Variants in COL6A1 observed in about 807,000 individuals in gnomAD.
COL6A1 encodes collagen alpha-1(VI) chain.
COL6A1 carries 80 observed loss-of-function variants against 145.6 expected under a neutral mutation model. The ratio of observed to expected loss-of-function variants is 0.55; its 90% CI spans 0.46 to 0.66. COL6A1 has a LOEUF of 0.66. Ranked by LOEUF, COL6A1 falls within the 30% of genes least tolerant of loss-of-function variation. The probability of loss-of-function intolerance (pLI) is 0.00; values close to 1 mark genes in which losing one functional copy is unlikely to be tolerated. For missense variants in COL6A1, 1,364 were observed against 1,473.8 expected, an observed-to-expected ratio of 0.93 and a Z score of 1.22; for synonymous variants, 638 against 622.8, an observed-to-expected ratio of 1.02 and a Z score of -0.36.
Position 46,004,198 on chromosome 21 carries a change from C to G in COL6A1, c.*185C>G, listed in dbSNP as rs1018349590. 1 of 801,300 alleles carries G rather than the reference C, an allele frequency of 1.2e-6. No individual in the cohort carries two copies. Among genetic ancestry groups the G allele is most frequent in the Non-Finnish European group, 1.9e-6 (1 of 513,722 alleles). 49.6% of individuals were successfully genotyped at this position (801,300 alleles called of 1,614,324 possible). A position where few individuals can be genotyped will look rare whatever the true frequency, so the allele number is the denominator to read the frequency against. ...TGTGCAGGGTCCTCCGGGGCTCAGC[C>G]CTGAGTTGGCATCACCTGCGCAGGG... On this transcript the variant is annotated 3_prime_UTR_variant, in exon 35 of 35. Transcript: ENST00000361866.
At chr21:45,984,878 GGACAGAGACAGGCA>G (rs2077729206) in intron 3 of COL6A1, among the ~76,000 whole-genome samples, 1 of 123,882 alleles carries the variant, frequency 8.1e-6, no homozygotes, top group South Asian at 2.7e-4. Context: ...AGAGACAGAG[GGACAGAGACAGGCA>G]GAGAGAGACA....
intron 1 of COL6A1, 32 bp downstream of exon 1, chr21:45,981,979 C>T (rs532927397): frequency 1.0e-5 from 16 of 1,524,388 alleles, no homozygotes; most frequent in Non-Finnish European, 1.4e-5. Context: ...AGGCTCCAGA[C>T]CCCCCGCTCT....
In COL6A1 at chr21:46,002,517, G is replaced by A; in HGVS notation, c.2251-10G>A. 1 of 1,613,780 alleles carries A rather than the reference G, an allele frequency of 6.2e-7. No individual in the cohort carries two copies. The highest frequency in any genetic ancestry group is 8.5e-7 in the Non-Finnish European group (1 of 1,179,740). On this transcript the variant is annotated splice_polypyrimidine_tract_variant and intron_variant, in intron 32 of 34. Coordinates refer to ENST00000361866, the MANE Select transcript of COL6A1 (RefSeq NM_001848.3). ...AGGCTGCGCCACACCGATACTGTCT[G>A]TCCCCACAGGTGGTCTCCGTGGGCA...
chr21:45,990,213 T>G (rs773625062), intron 11 of COL6A1, 45 bp from the exon 12 acceptor site: 3 of 1,040,078 alleles, frequency 2.9e-6, no homozygotes, highest in Non-Finnish European at 4.4e-6. Context: ...TGCCCTGCCC[T>G]CCCCACCCCA....
chr21:46,002,684 A>C lies in COL6A1; in HGVS notation c.2408A>C (p.Lys803Thr). 6.2e-7 allele frequency: 1 copy of C among 1,613,642 alleles called. No individual in the cohort carries two copies. Among genetic ancestry groups the C allele is most frequent in the Non-Finnish European group, 8.5e-7 (1 of 1,179,894 alleles). ...GAGCTGCTGGAGGATGCCTTCCTGA[A>C]GAATGTCACCGCCCAGATCTGCATA... ...YAELLEDAFL[K>T]NVTAQICIDK... Residue 803 changes from lysine (K) to threonine (T), a missense_variant, in exon 33 of 35, where the codon AAG (lysine) becomes ACG (threonine). By Grantham distance (78) the Lys-to-Thr change is moderately conservative (BLOSUM62 -1). Coordinates refer to ENST00000361866, the MANE Select transcript of COL6A1 (RefSeq NM_001848.3).
At position 45,982,897 on chromosome 21, in the gene COL6A1, C is replaced by G. The variant is rs1160234823; in HGVS notation, c.227+134C>G. 3.1e-6 allele frequency: 4 copies of G among 1,285,914 alleles called. No homozygotes were observed. In the East Asian group the frequency reaches 9.6e-5, roughly 31 times the overall value. The allele number at this position is 1,285,914 out of a possible 1,614,324, so 79.7% of individuals were successfully genotyped here. On this transcript the variant is annotated intron_variant, in intron 2 of 34. Coordinates refer to ENST00000361866, the MANE Select transcript of COL6A1 (RefSeq NM_001848.3). ...GCGAGCGTTGCCCTGACCGGGGCCC[C>G]TCCCGGCGCCCTCCAGAGTGAGGCC... is the stretch of plus-strand genomic sequence containing the variant.
chr21:45,999,127 G>A, intron 25 of COL6A1, 26 bp from the exon 26 acceptor site: 2 of 1,577,634 alleles, frequency 1.3e-6, no homozygotes, highest in Non-Finnish European at 1.7e-6. Context: ...TGCACGGTCT[G>A]TTGACACAAC....
In COL6A1 at chr21:45,981,843, C is replaced by A. The variant is rs886038491; in HGVS notation, c.-8C>A. ...GGCCGCGCTGTGTGGTGACCGCAGG[C>A]CCCAGACATGAGGGCGGCCCGTGCT... On this transcript the variant is annotated 5_prime_UTR_variant, in exon 1 of 35. Transcript: ENST00000361866. 1 of 1,575,112 alleles carries A rather than the reference C, an allele frequency of 6.3e-7. No homozygotes were observed. Among genetic ancestry groups the A allele is most frequent in the Non-Finnish European group, 8.6e-7 (1 of 1,163,008 alleles).
At chr21:46,003,174 C>T (rs200911065) in intron 34 of COL6A1, 25 bp downstream of exon 34, 3 of 1,613,924 alleles carry the variant, frequency 1.9e-6, no homozygotes, top group African/African-American at 2.7e-5. Flanking sequence ...GGCCGGGACA[C>T]GTGGGGAGGA....
chr21:46,002,822 T>A (rs1004812192), intron 33 of COL6A1, 112 bp downstream of exon 33: 7 of 1,313,960 alleles, frequency 5.3e-6, no homozygotes, highest in Non-Finnish European at 7.4e-6. Flanking sequence ...CAGTCCCAGA[T>A]CTGCGTAGGT....
intron 19 of COL6A1, among the ~76,000 whole-genome samples, chr21:45,993,732 G>A (rs1312672110): frequency 6.6e-6 from 1 of 152,196 alleles, no homozygotes; most frequent in Non-Finnish European, 1.5e-5. Flanking sequence ...CAGGGATCGT[G>A]TGACTTAGTG....
At chr21:45,986,249 C>T (rs1017197851) in intron 3 of COL6A1, among the ~76,000 whole-genome samples, 1 of 152,200 alleles carries the variant, frequency 6.6e-6, no homozygotes. Context: ...AGGGGCTTTG[C>T]GCCCCAGGGC....
At chr21:45,992,842 C>T in intron 19 of COL6A1, 32 bp downstream of exon 19, 1 of 1,561,992 alleles carries the variant, frequency 6.4e-7, no homozygotes, top group Non-Finnish European at 8.7e-7. Context: ...TGGGAACCAC[C>T]CCAGGAAGGG....
chr21:45,999,795 G>GT lies in COL6A1; in HGVS notation c.1776+103_1776+104insT, dbSNP rs1160415396. On this transcript the variant is annotated intron_variant, in intron 27 of 34. Coordinates refer to ENST00000361866, the MANE Select transcript of COL6A1 (RefSeq NM_001848.3). ...GTGCTCCTGTAGACGCTGCTCACGG[G>GT]GGGGTGGGTTGTGGACAAAGAGCTG... 1.5e-5 allele frequency: 14 copies of GT among 962,846 alleles called. 2 individuals carry two copies. The highest frequency in any genetic ancestry group is 1.8e-5 in the Non-Finnish European group (12 of 649,732). The allele number at this position is 962,846 out of a possible 1,614,324, so 59.6% of individuals were successfully genotyped here. A position where few individuals can be genotyped will look rare whatever the true frequency, so the allele number is the denominator to read the frequency against.
intron 29 of COL6A1, 73 bp downstream of exon 29, chr21:46,000,840 G>A: frequency 6.3e-7 from 1 of 1,576,816 alleles, no homozygotes; most frequent in Non-Finnish European, 8.7e-7. Flanking sequence ...TCCCACACAT[G>A]TCACAGGACA....
rs746046225 is a variant in COL6A1 at position 46,003,889 on chromosome 21, C to T, written c.2963C>T (p.Thr988Ile). 3.1e-6 allele frequency: 5 copies of T among 1,601,704 alleles called. No individual in the cohort carries two copies. Among genetic ancestry groups the T allele is most frequent in the Admixed American group, 3.4e-5 (2 of 59,666 alleles). The change falls in exon 35 of 35, where the codon ACC (threonine) becomes ATC (isoleucine). Residue 988 changes from threonine (T) to isoleucine (I), a missense_variant. Physicochemically the swap from Thr to Ile is moderately conservative, Grantham distance 89. Coordinates refer to ENST00000361866, the MANE Select transcript of COL6A1 (RefSeq NM_001848.3). ...VNEPHIRVLV[T>I]GKTAEYDVAY... ...GAGCCCCACATCCGCGTCCTGGTCA[C>T]CGGCAAGACGGCCGAGTACGACGTG...
intron 31 of COL6A1, 70 bp downstream of exon 31, chr21:46,002,140 C>T (rs532952286): frequency 6.3e-7 from 1 of 1,577,062 alleles, no homozygotes; most frequent in African/African-American, 1.3e-5. Flanking sequence ...CAGGTCGGCC[C>T]TGACCCCTGA....
Position 46,003,646 on chromosome 21 carries a change from T to C in COL6A1, c.2720T>C (p.Met907Thr). 2 of 1,613,036 alleles carry C rather than the reference T, an allele frequency of 1.2e-6. No homozygotes were observed. Among genetic ancestry groups the C allele is most frequent in the Non-Finnish European group, 1.7e-6 (2 of 1,179,940 alleles). Residue 907 changes from methionine (M) to threonine (T), a missense_variant, in exon 35 of 35, where the codon ATG becomes ACG. Met to Thr is a moderately conservative substitution (Grantham distance 81). Coordinates refer to ENST00000361866, the MANE Select transcript of COL6A1 (RefSeq NM_001848.3). Reference sequence around the variant, plus strand: ...GCCCTGGCCAGTGCCGTCGATGCCATGGACTTTATCAACGACGCCACCGAC... The same window carrying C: ...GCCCTGGCCAGTGCCGTCGATGCCACGGACTTTATCAACGACGCCACCGAC... ...YTALASAVDA[M>T]DFINDATDVN...
rs1412025787 is a variant in COL6A1, at chr21:45,987,525, T to C, written c.759+6T>C. The stretch of plus-strand genomic sequence containing the variant: ...GCTGCTCCTTCGAATGCCAGGTGAG[T>C]GTGCCCCCCGACCCCTGACCCCGCG... On this transcript the variant is annotated splice_donor_region_variant and intron_variant, in intron 7 of 34. Coordinates refer to ENST00000361866, the MANE Select transcript of COL6A1 (RefSeq NM_001848.3). 1.9e-6 allele frequency: 3 copies of C among 1,612,752 alleles called. No homozygotes were observed. The highest frequency in any genetic ancestry group is 2.5e-6 in the Non-Finnish European group (3 of 1,179,978).
Sources: gnomAD v4.1 joint callset for allele counts (sites outside exome capture counted in the v4.1 genomes callset) on GRCh38, gnomAD v4.1.1 for gene constraint, MANE v1.5 for transcripts, NCBI Gene and HGNC (gene_info 2026-07-23, HGNC 2026-07-21) for gene names.